SNX18: variants seen among roughly 807,000 people sequenced by gnomAD.
The protein encoded by SNX18 is sorting nexin 18.
Under a neutral mutation model 48.7 loss-of-function variants are expected in SNX18, and 35 were observed. The observed-to-expected ratio is 0.72, with a 90% CI of 0.55 to 0.95. The LOEUF is 0.95. SNX18 is among the 40% of genes least tolerant of loss of function. SNX18 has a pLI of 0.00. For missense variants in SNX18, 824 were observed against 871.0 expected, an observed-to-expected ratio of 0.95 and a Z score of 0.68; for synonymous variants, 492 against 384.7, an observed-to-expected ratio of 1.28 and a Z score of -3.26.
downstream of SNX18, among the ~76,000 whole-genome samples, chr5:54,551,526 G>A (rs191442770): frequency 3.9e-5 from 6 of 152,200 alleles, no homozygotes; most frequent in Admixed American, 6.5e-5. Context: ...TTACCACATC[G>A]AGTGTTTATT....
the SNX18 span, among the ~76,000 whole-genome samples, chr5:54,575,839 A>G: frequency 6.6e-6 from 1 of 151,198 alleles, no homozygotes; most frequent in Non-Finnish European, 1.5e-5. Flanking sequence ...TACATCCTTC[A>G]CCCCCATGTA....
the SNX18 span, among the ~76,000 whole-genome samples, chr5:54,631,893 T>G: frequency 6.6e-6 from 1 of 152,222 alleles, no homozygotes; most frequent in African/African-American, 2.4e-5. Flanking sequence ...GAAGTCTGTT[T>G]CAGCCCCACT....
the SNX18 span, among the ~76,000 whole-genome samples, chr5:54,633,657 T>A: frequency 1.3e-5 from 2 of 152,224 alleles, no homozygotes; most frequent in Non-Finnish European, 2.9e-5. Context: ...CATTTACAAG[T>A]GCTGTAACAG....
At chr5:54,605,439 G>A in the SNX18 span, among the ~76,000 whole-genome samples, 53 of 152,184 alleles carry the variant, frequency 3.5e-4, no homozygotes, top group Middle Eastern at 6.8e-3. Context: ...AGTGTGTTAC[G>A]TACCAGGAAC....
chr5:54,591,189 TG>T, the SNX18 span, among the ~76,000 whole-genome samples: 1 of 151,920 alleles, frequency 6.6e-6, no homozygotes. Flanking sequence ...TGTTTTGTTT[TG>T]TTTTTTTGAG....
chr5:54,623,235 T>C, the SNX18 span, among the ~76,000 whole-genome samples: 4 of 152,164 alleles, frequency 2.6e-5, no homozygotes, highest in Admixed American at 2.6e-4. Context: ...AAACTTGGTT[T>C]GAGAATAGGA....
At chr5:54,584,715 A>G in the SNX18 span, among the ~76,000 whole-genome samples, 1 of 152,116 alleles carries the variant, frequency 6.6e-6, no homozygotes, top group East Asian at 1.9e-4. Context: ...CACAATGTTT[A>G]TTTTCCTTAA....
chr5:54,640,825 C>T, the SNX18 span, among the ~76,000 whole-genome samples: 7 of 151,842 alleles, frequency 4.6e-5, no homozygotes, highest in African/African-American at 1.7e-4. Flanking sequence ...TTTGGGAGGC[C>T]GAGGTGGGAG....
At chr5:54,533,384 T>C (rs1019107207) in intron 1 of SNX18, among the ~76,000 whole-genome samples, 2 of 152,178 alleles carry the variant, frequency 1.3e-5, no homozygotes, top group African/African-American at 4.8e-5. Context: ...CATGCAGGAA[T>C]AGTATTTAGG....
chr5:54,518,009 C>G lies in SNX18; in HGVS notation c.57C>G (p.Ile19Met). The G allele has an allele frequency of 9.0e-6, 14 of 1,547,232 alleles. No homozygotes were observed. The highest frequency in any genetic ancestry group is 1.1e-5 in the Non-Finnish European group (13 of 1,149,134). The change falls in exon 1 of 2, where the codon ATC becomes ATG. Residue 19 changes from isoleucine to methionine, a missense_variant. Transcript: ENST00000381410. ...TCAGGTCGGAGAACCCAGGAGAGAT[C>G]TCGCTGCGAGAGCACGAGGTGCTGA... Reference protein sequence around the residue: ...YDFRSENPGEISLREHEVLSL... With the variant: ...YDFRSENPGEMSLREHEVLSL...
intron 1 of SNX18, chr5:54,520,376 AT>A (rs1225121579): frequency 5.9e-6 from 1 of 170,468 alleles, no homozygotes; most frequent in Non-Finnish European, 1.4e-5. Flanking sequence ...AATTAAAAAA[AT>A]ATATAGCAGT....
the SNX18 span, among the ~76,000 whole-genome samples, chr5:54,573,925 G>C: frequency 6.6e-6 from 1 of 152,208 alleles, no homozygotes; most frequent in African/African-American, 2.4e-5. Context: ...CAGCAGTCCA[G>C]TGCAGGAAAG....
At chr5:54,521,259 C>T (rs1762027193) in intron 1 of SNX18, among the ~76,000 whole-genome samples, 1 of 152,220 alleles carries the variant, frequency 6.6e-6, no homozygotes, top group Non-Finnish European at 1.5e-5. Context: ...TGTCTGTCTA[C>T]TTTAGGTTGG....
the SNX18 span, among the ~76,000 whole-genome samples, chr5:54,601,949 C>T: frequency 2.0e-5 from 3 of 152,188 alleles, no homozygotes; most frequent in African/African-American, 4.8e-5. Flanking sequence ...TTTTAAGACA[C>T]GTCTGGAGTT....
chr5:54,563,683 A>G, the SNX18 span, among the ~76,000 whole-genome samples: 28 of 152,166 alleles, frequency 1.8e-4, no homozygotes, highest in African/African-American at 6.8e-4. Context: ...TGATCCAGGT[A>G]CAGGTAGTTG....
chr5:54,521,326 C>T (rs1398961180), intron 1 of SNX18, among the ~76,000 whole-genome samples: 1 of 152,164 alleles, frequency 6.6e-6, no homozygotes, highest in East Asian at 1.9e-4. Flanking sequence ...AAATGGCCTG[C>T]TTTTGAAATT....
chr5:54,585,390 T>C, the SNX18 span, among the ~76,000 whole-genome samples: 1 of 133,678 alleles, frequency 7.5e-6, no homozygotes, highest in African/African-American at 2.8e-5. Flanking sequence ...CAACACAGAA[T>C]CATGCAGCAG....
At chr5:54,532,581 C>T (rs6892279) in intron 1 of SNX18, among the ~76,000 whole-genome samples, 80,852 of 151,890 alleles carry the variant, frequency 0.53, 21,602 homozygotes, top group Non-Finnish European at 0.56. Flanking sequence ...TTCTTACTCT[C>T]AAATTTTAAA....
chr5:54,640,296 C>T, the SNX18 span, among the ~76,000 whole-genome samples: 2 of 152,010 alleles, frequency 1.3e-5, no homozygotes, highest in Admixed American at 6.5e-5. Context: ...TCACTGCAAC[C>T]TCCATCTCCC....
Sources: gnomAD v4.1 joint callset for allele counts (sites outside exome capture counted in the v4.1 genomes callset) on GRCh38, gnomAD v4.1.1 for gene constraint, MANE v1.5 for transcripts, NCBI Gene and HGNC (gene_info 2026-07-23, HGNC 2026-07-21) for gene names.